Variants in CSNK1G1 observed in about 807,000 individuals in gnomAD.
CSNK1G1 encodes the protein casein kinase I isoform gamma-1.
A neutral mutation model predicts 59.6 loss-of-function variants in CSNK1G1; 22 were observed. That is an observed-to-expected ratio of 0.37 (90% CI 0.26 to 0.53). CSNK1G1 has a LOEUF of 0.53. Ranked by LOEUF, CSNK1G1 falls within the 20% of genes least tolerant of loss-of-function variation. The pLI is 0.89. For missense variants in CSNK1G1, 384 were observed against 519.5 expected, an observed-to-expected ratio of 0.74 and a Z score of 2.54; for synonymous variants, 179 against 177.1, an observed-to-expected ratio of 1.01 and a Z score of -0.08.
chr15:64,231,801 A>G (rs2082554454), intron 4 of CSNK1G1, among the ~76,000 whole-genome samples: 1 of 152,174 alleles, frequency 6.6e-6, no homozygotes, highest in Admixed American at 6.5e-5. Flanking sequence ...TATATATAAC[A>G]TTCTACTGTT....
chr15:64,282,258 A>C lies in CSNK1G1; in HGVS notation c.181+18061T>G, dbSNP rs150014322. 1.5e-3 allele frequency among the ~76,000 whole-genome samples: 231 copies of C among 151,994 alleles called. 1 individual carries two copies. Among genetic ancestry groups the C allele is most frequent in the African/African-American group, 5.3e-3 (219 of 41,488 alleles). ...CTTTCTATCTCTACACAATTGCCTG[A>C]CCTAATTTTTTATTTTTTATTTTTT... is the stretch of plus-strand genomic sequence containing the variant. On this transcript the variant is annotated intron_variant, in intron 2 of 11. Transcript: ENST00000303052.
chr15:64,265,537 C>T (rs1168268917), intron 2 of CSNK1G1, among the ~76,000 whole-genome samples: 1 of 152,108 alleles, frequency 6.6e-6, no homozygotes, highest in African/African-American at 2.4e-5. Flanking sequence ...GTGAGGCCTC[C>T]CAGCTATGTG....
At chr15:64,248,712 C>T (rs1180318683) in intron 4 of CSNK1G1, among the ~76,000 whole-genome samples, 4 of 152,090 alleles carry the variant, frequency 2.6e-5, no homozygotes, top group Non-Finnish European at 2.9e-5. Context: ...TGGCCAGGCA[C>T]GGCGGCTCAC....
At chr15:64,276,859 A>AT in intron 2 of CSNK1G1, among the ~76,000 whole-genome samples, 1 of 151,358 alleles carries the variant, frequency 6.6e-6, no homozygotes, top group African/African-American at 2.4e-5. Context: ...AGGCAGGAGA[A>AT]TGGTGTGAAC....
intron 10 of CSNK1G1, among the ~76,000 whole-genome samples, chr15:64,192,624 T>C (rs1349642326): frequency 6.6e-6 from 1 of 151,842 alleles, no homozygotes; most frequent in South Asian, 2.1e-4. Flanking sequence ...TTTGGGAGGC[T>C]GAGGGGGGCG....
intron 3 of CSNK1G1, among the ~76,000 whole-genome samples, chr15:64,254,176 T>C (rs1318313139): frequency 6.7e-6 from 1 of 149,866 alleles, no homozygotes; most frequent in Non-Finnish European, 1.5e-5. Flanking sequence ...AAGTATCTAG[T>C]GTAGTCAAAT....
chr15:64,213,346 G>C (rs1337645024), intron 6 of CSNK1G1, among the ~76,000 whole-genome samples: 1 of 152,088 alleles, frequency 6.6e-6, no homozygotes, highest in Non-Finnish European at 1.5e-5. Context: ...AAGGTCTTCT[G>C]CCTTGATTAG....
intron 1 of CSNK1G1, among the ~76,000 whole-genome samples, chr15:64,352,878 C>G (rs1182518692): frequency 1.3e-5 from 2 of 151,432 alleles, no homozygotes; most frequent in Non-Finnish European, 3.0e-5. Flanking sequence ...CACTTGAGGT[C>G]AGGAGTTCGA....
At chr15:64,235,931 C>T (rs1029555406) in intron 4 of CSNK1G1, among the ~76,000 whole-genome samples, 8 of 151,846 alleles carry the variant, frequency 5.3e-5, no homozygotes, top group Non-Finnish European at 1.2e-4. Context: ...GGGAACATAA[C>T]AGGTAGAAAA....
At chr15:64,173,167 A>T (rs2081696252) in intron 11 of CSNK1G1, among the ~76,000 whole-genome samples, 1 of 152,184 alleles carries the variant, frequency 6.6e-6, no homozygotes, top group Non-Finnish European at 1.5e-5. Flanking sequence ...ATTCATATGG[A>T]AATAAAGACT....
At chr15:64,318,491 T>A (rs1006957363) in intron 1 of CSNK1G1, among the ~76,000 whole-genome samples, 1 of 152,162 alleles carries the variant, frequency 6.6e-6, no homozygotes, top group African/African-American at 2.4e-5. Context: ...ATCATATTAT[T>A]TTGGGAGGGA....
At chr15:64,225,905 G>A (rs534600947) in intron 4 of CSNK1G1, among the ~76,000 whole-genome samples, 2 of 152,322 alleles carry the variant, frequency 1.3e-5, no homozygotes, top group Admixed American at 1.3e-4. Context: ...GGGATTACAG[G>A]CGTGAGACAC....
chr15:64,178,155 C>CA (rs1244732160), intron 11 of CSNK1G1, among the ~76,000 whole-genome samples: 1 of 152,100 alleles, frequency 6.6e-6, no homozygotes, highest in Non-Finnish European at 1.5e-5. Context: ...AAAGTGCAGC[C>CA]AGTTGAGAGC....
intron 10 of CSNK1G1, among the ~76,000 whole-genome samples, chr15:64,183,672 G>C (rs921497481): frequency 2.6e-5 from 4 of 150,972 alleles, no homozygotes; most frequent in African/African-American, 9.7e-5. Context: ...AAATTTTAAA[G>C]AATTAAAAAG....
intron 4 of CSNK1G1, among the ~76,000 whole-genome samples, chr15:64,250,605 T>A (rs1364356253): frequency 6.6e-6 from 1 of 151,878 alleles, no homozygotes; most frequent in African/African-American, 2.4e-5. Flanking sequence ...ATTAGCCTGG[T>A]GTGGTGGTGC....
chr15:64,250,880 A>G (rs537715089), intron 4 of CSNK1G1, among the ~76,000 whole-genome samples: 11 of 152,338 alleles, frequency 7.2e-5, no homozygotes, highest in African/African-American at 2.6e-4. Flanking sequence ...GCTCTGAAAG[A>G]TTTCATCTTC....
intron 1 of CSNK1G1, chr15:64,348,267 C>T (rs1225977552): frequency 6.6e-6 from 1 of 152,106 alleles, no homozygotes; most frequent in South Asian, 2.1e-4. Flanking sequence ...TTTGTCAAAA[C>T]CCACAGAATG....
intron 1 of CSNK1G1, among the ~76,000 whole-genome samples, chr15:64,313,747 A>G (rs893999570): frequency 6.6e-6 from 1 of 151,750 alleles, no homozygotes; most frequent in African/African-American, 2.4e-5. Flanking sequence ...CTTAAAGTAT[A>G]ATAATAATTT....
intron 11 of CSNK1G1, among the ~76,000 whole-genome samples, chr15:64,175,100 C>A (rs1190761862): frequency 6.7e-6 from 1 of 149,190 alleles, no homozygotes; most frequent in African/African-American, 2.5e-5. Context: ...TGACACCTCA[C>A]AGGAAAAAAT....
Sources: allele counts gnomAD v4.1 joint callset (sites outside exome capture counted in the v4.1 genomes callset), GRCh38; gene constraint gnomAD v4.1.1; transcripts MANE v1.5; gene names NCBI Gene and HGNC (gene_info 2026-07-23, HGNC 2026-07-21).